RSL1D1: variants seen among roughly 807,000 people sequenced by gnomAD.
RSL1D1 encodes ribosomal L1 domain containing 1, also known as ribosomal L1 domain-containing protein 1.
RSL1D1 carries 34 observed loss-of-function variants against 44.6 expected under a neutral mutation model. That is an observed-to-expected ratio of 0.76 (90% CI 0.58 to 1.02). RSL1D1 has a LOEUF of 1.02. RSL1D1 is among the 50% of genes least tolerant of loss of function. The pLI, the probability that RSL1D1 is intolerant of heterozygous loss-of-function variation, is 0.00. For synonymous variants in RSL1D1, 271 were observed against 207.4 expected (o/e 1.31, Z -2.63); for missense variants, 767 against 568.1 (o/e 1.35, Z -3.56).
At position 11,847,800 on chromosome 16, in the gene RSL1D1, C is replaced by A. The variant is rs756270729; in HGVS notation, c.252G>T (p.Leu84Phe). 3 of 1,612,452 alleles carry A rather than the reference C, an allele frequency of 1.9e-6. 1 individual carries two copies. Among genetic ancestry groups the A allele is most frequent in the Non-Finnish European group, 2.5e-6 (3 of 1,179,544 alleles). Residue 84 changes from leucine (L) to phenylalanine (F), a missense_variant, in exon 3 of 9, where the codon TTG becomes TTT. By Grantham distance (22) the Leu-to-Phe change is conservative. Transcript: ENST00000571133. ...PSKELRVRLT[L>F]PHSIRSDSED... is the part of the protein sequence containing the mutation. ...CTGAATCTGATCGAATACTATGAGG[C>A]AAGGTCCTACAAAATACGTGAAAAG... is the stretch of plus-strand genomic sequence containing the variant.
At position 11,837,630 on chromosome 16, in the gene RSL1D1, G is replaced by GC; in HGVS notation, c.*156_*157insG. 1 of 666,882 alleles carries GC rather than the reference G, an allele frequency of 1.5e-6. No homozygotes were observed. The highest frequency in any genetic ancestry group is 2.5e-6 in the Non-Finnish European group (1 of 393,256). The allele number at this position is 666,882 out of a possible 1,614,324, so 41.3% of individuals were successfully genotyped here. ...CTCCCAAAGTGCTGGGATTACAGGC[G>GC]TGAGCCACCGCCCCTGGACTACTTA... On this transcript the variant is annotated 3_prime_UTR_variant, in exon 9 of 9. Coordinates refer to ENST00000571133, the MANE Select transcript of RSL1D1 (RefSeq NM_015659.3).
In RSL1D1 at chr16:11,840,453, C is replaced by T. The variant is rs1248577371; in HGVS notation, c.856-468G>A. Among the ~76,000 whole-genome samples the T allele has an allele frequency of 2.0e-5, 3 of 152,230 alleles. No homozygotes were observed. The East Asian group carries it at 5.8e-4, about 29-fold the overall frequency. ...TGGTGATACGTGCCTGTAGTTCCAA[C>T]TACTCAGGAGGGTGAGGCACAGAGA... On this transcript the variant is annotated intron_variant, in intron 7 of 8. Coordinates refer to ENST00000571133, the MANE Select transcript of RSL1D1 (RefSeq NM_015659.3).
At position 11,847,810 on chromosome 16, in the gene RSL1D1, C is replaced by T. The variant is rs777989016; in HGVS notation, c.246-4G>A. On this transcript the variant is annotated splice_polypyrimidine_tract_variant and splice_region_variant and intron_variant, in intron 2 of 8. Coordinates refer to ENST00000571133, the MANE Select transcript of RSL1D1 (RefSeq NM_015659.3). The stretch of plus-strand genomic sequence containing the variant: ...TCGAATACTATGAGGCAAGGTCCTA[C>T]AAAATACGTGAAAAGAAACCGAGGA... 11 of 1,611,700 alleles carry T rather than the reference C, an allele frequency of 6.8e-6. No individual in the cohort carries two copies. The highest frequency in any genetic ancestry group is 9.3e-6 in the Non-Finnish European group (11 of 1,179,332).
Position 11,847,803 on chromosome 16 carries a change from G to A in RSL1D1, c.249C>T (p.Thr83=), listed in dbSNP as rs528183339. 3.1e-6 allele frequency: 5 copies of A among 1,612,212 alleles called. No individual in the cohort carries two copies. Among genetic ancestry groups the A allele is most frequent in the Non-Finnish European group, 4.2e-6 (5 of 1,179,502 alleles). The change falls in exon 3 of 9, where the codon ACC becomes ACT. Residue 83 remains threonine, a synonymous_variant. Coordinates refer to ENST00000571133, the MANE Select transcript of RSL1D1 (RefSeq NM_015659.3). ...IPSKELRVRL[T]LPHSIRSDSE... is the part of the protein sequence containing the mutation. ...AATCTGATCGAATACTATGAGGCAA[G>A]GTCCTACAAAATACGTGAAAAGAAA...
chr16:11,838,052 C>G lies in RSL1D1; in HGVS notation c.1208G>C (p.Arg403Pro). ...TGGCAAAGCCTTTCTTTTCTTCCCACGAGGTGTGCTGGGATTAGGACTCTT... is the reference window on the plus strand; with the variant it reads ...TGGCAAAGCCTTTCTTTTCTTCCCAGGAGGTGTGCTGGGATTAGGACTCTT... Reference protein sequence around the residue: ...PAKSPNPSTPRGKKRKALPAS... With the variant: ...PAKSPNPSTPPGKKRKALPAS... Residue 403 changes from arginine (R) to proline (P), a missense_variant, in exon 9 of 9, where the codon CGT becomes CCT. Arg to Pro is a moderately radical substitution (Grantham distance 103, BLOSUM62 -2). Transcript: ENST00000571133. The G allele has an allele frequency of 6.2e-7, 1 of 1,613,472 alleles. No homozygotes were observed. Among genetic ancestry groups the G allele is most frequent in the South Asian group, 1.1e-5 (1 of 90,982 alleles).
At chr16:11,839,194 C>T (rs1330267150) in intron 8 of RSL1D1, among the ~76,000 whole-genome samples, 2 of 151,972 alleles carry the variant, frequency 1.3e-5, no homozygotes, top group African/African-American at 4.8e-5. Flanking sequence ...GGCAAAACCC[C>T]GTCTCTACCA....
chr16:11,836,176 T>C lies in RSL1D1; in HGVS notation c.*1611A>G, dbSNP rs1280923512. 6.6e-6 allele frequency: 1 copy of C among 152,214 alleles called. No individual in the cohort carries two copies. The highest frequency in any genetic ancestry group is 1.5e-5 in the Non-Finnish European group (1 of 68,046). 9.4% of individuals were successfully genotyped at this position (152,214 alleles called of 1,614,324 possible). A position where few individuals can be genotyped will look rare whatever the true frequency, so the allele number is the denominator to read the frequency against. ...GTTTCTTTGTTGGATTACCAATAAA[T>C]AGTGTGGGCTCCCAGAGCTCACGGC... On this transcript the variant is annotated 3_prime_UTR_variant, in exon 9 of 9. Coordinates refer to ENST00000571133, the MANE Select transcript of RSL1D1 (RefSeq NM_015659.3).
At chr16:11,850,615 G>A (rs774188614) in intron 1 of RSL1D1, among the ~76,000 whole-genome samples, 197 bp from the exon 2 acceptor site, 13 of 152,052 alleles carry the variant, frequency 8.5e-5, no homozygotes, top group Non-Finnish European at 1.9e-4. Context: ...AGAAATCTAA[G>A]AATCCATCAA....
At position 11,846,805 on chromosome 16, in the gene RSL1D1, G is replaced by C; in HGVS notation, c.423C>G (p.Ser141=). The C allele has an allele frequency of 6.2e-7, 1 of 1,612,356 alleles. No individual in the cohort carries two copies. The highest frequency in any genetic ancestry group is 1.1e-5 in the South Asian group (1 of 91,066). Residue 141 remains serine (S), a synonymous_variant, in exon 4 of 9, where the codon TCC becomes TCG. Coordinates refer to ENST00000571133, the MANE Select transcript of RSL1D1 (RefSeq NM_015659.3). Reference sequence around the variant, plus strand: ...TCAGAAGGCGGAGCTTGGCTTCATAGGATTTATATTCCTTCTTTAGAGTTT... The same window carrying C: ...TCAGAAGGCGGAGCTTGGCTTCATACGATTTATATTCCTTCTTTAGAGTTT... ...SLQTLKKEYK[S]YEAKLRLLSS... is the part of the protein sequence containing the mutation.
chr16:11,847,717 T>C lies in RSL1D1; in HGVS notation c.335A>G (p.Gln112Arg). 1 of 1,613,380 alleles carries C rather than the reference T, an allele frequency of 6.2e-7. No individual in the cohort carries two copies. Among genetic ancestry groups the C allele is most frequent in the Non-Finnish European group, 8.5e-7 (1 of 1,179,448 alleles). ...EPNSTPEKTE[Q>R]FYRKLLNKHG... ...CTTGTTTAAAAGCTTTCTATAAAAC[T>C]GTTCTGTCTTTTCAGGAGTTGAATT... Residue 112 changes from glutamine (Q) to arginine (R), a missense_variant, in exon 3 of 9, where the codon CAG becomes CGG. Gln to Arg is a conservative substitution (Grantham distance 43, BLOSUM62 1). Coordinates refer to ENST00000571133, the MANE Select transcript of RSL1D1 (RefSeq NM_015659.3).
At chr16:11,849,677 T>TA (rs1031840597) in intron 2 of RSL1D1, among the ~76,000 whole-genome samples, 11 of 152,162 alleles carry the variant, frequency 7.2e-5, no homozygotes, top group African/African-American at 2.4e-4. Flanking sequence ...CAGTTTCTAA[T>TA]AAAAAAATAA....
chr16:11,841,179 G>C (rs1407518893), intron 7 of RSL1D1, among the ~76,000 whole-genome samples: 1 of 152,172 alleles, frequency 6.6e-6, no homozygotes, highest in East Asian at 1.9e-4. Flanking sequence ...GGAGCCCAAG[G>C]CAGGCGGATC....
In RSL1D1 at chr16:11,846,553, T is replaced by C. The variant is rs370207662; in HGVS notation, c.583A>G (p.Asn195Asp). 4 of 1,607,316 alleles carry C rather than the reference T, an allele frequency of 2.5e-6. No homozygotes were observed. In the African/African-American group the frequency reaches 4.0e-5, roughly 16 times the overall value. Reference sequence around the variant, plus strand: ...AAGACTGTTCCACCTATACAGTCATTGATCTCTCTTGATAAATTCTTGGAC... The same window carrying C: ...AAGACTGTTCCACCTATACAGTCATCGATCTCTCTTGATAAATTCTTGGAC... ...LLSKNLSREI[N>D]DCIGGTVLNI... is the part of the protein sequence containing the mutation. The change falls in exon 5 of 9, where the codon AAT becomes GAT. Residue 195 changes from asparagine to aspartate, a missense_variant. Transcript: ENST00000571133.
chr16:11,843,821 A>T (rs1422147486), intron 5 of RSL1D1, among the ~76,000 whole-genome samples: 2 of 140,906 alleles, frequency 1.4e-5, no homozygotes, highest in Non-Finnish European at 3.0e-5. Context: ...CAGTGAGCTG[A>T]GATCAAGCCA....
intron 7 of RSL1D1, 134 bp from the exon 8 acceptor site, chr16:11,840,119 C>T: frequency 7.3e-7 from 1 of 1,377,894 alleles, no homozygotes; most frequent in Non-Finnish European, 9.8e-7. Context: ...AGAACAAACT[C>T]CCTAACCAGC....
chr16:11,835,983 G>C lies in RSL1D1; in HGVS notation c.*1804C>G, dbSNP rs1208718689. 1 of 152,142 alleles carries C rather than the reference G, an allele frequency of 6.6e-6. No homozygotes were observed. Among genetic ancestry groups the C allele is most frequent in the Non-Finnish European group, 1.5e-5 (1 of 68,044 alleles). 9.4% of individuals were successfully genotyped at this position (152,142 alleles called of 1,614,324 possible). A position where few individuals can be genotyped will look rare whatever the true frequency, so the allele number is the denominator to read the frequency against. ...ATAAAATCCAGGGCCTGTGGCTCTG[G>C]AATGTCTAGACTTGCTGGCTCCTTG... is the stretch of plus-strand genomic sequence containing the variant. On this transcript the variant is annotated 3_prime_UTR_variant, in exon 9 of 9. Transcript: ENST00000571133.
At chr16:11,849,005 C>G (rs1006599494) in intron 2 of RSL1D1, among the ~76,000 whole-genome samples, 2 of 151,942 alleles carry the variant, frequency 1.3e-5, no homozygotes, top group Admixed American at 1.3e-4. Flanking sequence ...TCTCAAACTC[C>G]CAGGCCTCAA....
chr16:11,848,837 G>A (rs953484570), intron 2 of RSL1D1, among the ~76,000 whole-genome samples: 3 of 147,976 alleles, frequency 2.0e-5, no homozygotes, highest in Admixed American at 6.9e-5. Context: ...TCTCACTGTC[G>A]CCCAGGCTGG....
chr16:11,840,942 A>G (rs2053760536), intron 7 of RSL1D1, among the ~76,000 whole-genome samples: 1 of 152,216 alleles, frequency 6.6e-6, no homozygotes, highest in South Asian at 2.1e-4. Flanking sequence ...GTGGATGGGA[A>G]TAACTGGGTA....
Sources: allele counts gnomAD v4.1 joint callset (sites outside exome capture counted in the v4.1 genomes callset), GRCh38; gene constraint gnomAD v4.1.1; transcripts MANE v1.5; gene names NCBI Gene and HGNC (gene_info 2026-07-23, HGNC 2026-07-21).